Variants in GBE1 observed in about 807,000 individuals in gnomAD.
GBE1 encodes the protein 1,4-alpha-glucan-branching enzyme.
In GBE1, 70 loss-of-function variants were observed where a neutral mutation model predicts 88.8. The observed-to-expected ratio is 0.79, with a 90% CI of 0.65 to 0.96. The LOEUF (loss-of-function observed/expected upper bound fraction) is 0.96, where lower values mean the gene tolerates loss of function less well. GBE1 is among the 40% of genes least tolerant of loss of function. The pLI, the probability that GBE1 is intolerant of heterozygous loss-of-function variation, is 0.00. For synonymous variants in GBE1, 284 were observed against 300.1 expected (o/e 0.95, Z 0.56); for missense variants, 872 against 871.0 (o/e 1.00, Z -0.01).
chr3:81,616,121 A>G (rs1229738185), intron 7 of GBE1, among the ~76,000 whole-genome samples: 2 of 152,050 alleles, frequency 1.3e-5, no homozygotes, highest in Non-Finnish European at 2.9e-5. Context: ...TGTATTGTGG[A>G]TTTGAGACCT....
chr3:81,740,754 G>C (rs1706337540), intron 1 of GBE1, among the ~76,000 whole-genome samples: 1 of 136,794 alleles, frequency 7.3e-6, no homozygotes, highest in Non-Finnish European at 1.5e-5. Context: ...CTGCCTAAGA[G>C]TGTTAGAAAG....
chr3:81,685,680 C>T (rs1017164161), intron 2 of GBE1, among the ~76,000 whole-genome samples: 1 of 152,160 alleles, frequency 6.6e-6, no homozygotes, highest in African/African-American at 2.4e-5. Context: ...TTGCGCTCAG[C>T]GATTCCAATC....
intron 12 of GBE1, among the ~76,000 whole-genome samples, chr3:81,573,225 T>G (rs1703598384): frequency 6.6e-6 from 1 of 152,204 alleles, no homozygotes; most frequent in South Asian, 2.1e-4. Flanking sequence ...GGCATGTAAA[T>G]TGTTTTCTTT....
chr3:81,537,629 T>C (rs779540297), intron 12 of GBE1, among the ~76,000 whole-genome samples: 2 of 152,052 alleles, frequency 1.3e-5, no homozygotes, highest in Non-Finnish European at 2.9e-5. Flanking sequence ...TAAAATTGAG[T>C]TCCTCTCATT....
chr3:81,565,756 GATA>G (rs754639394), intron 12 of GBE1, among the ~76,000 whole-genome samples: 1 of 152,044 alleles, frequency 6.6e-6, no homozygotes, highest in Middle Eastern at 3.2e-3. Context: ...ATAACATCAT[GATA>G]ATAAGAGTGC....
At chr3:81,736,168 C>G (rs1706255294) in intron 1 of GBE1, among the ~76,000 whole-genome samples, 1 of 152,152 alleles carries the variant, frequency 6.6e-6, no homozygotes, top group South Asian at 2.1e-4. Context: ...AGACATTTCT[C>G]AATTCTTAAT....
At chr3:81,563,445 A>C (rs932405407) in intron 12 of GBE1, among the ~76,000 whole-genome samples, 1 of 152,178 alleles carries the variant, frequency 6.6e-6, no homozygotes, top group Non-Finnish European at 1.5e-5. Flanking sequence ...GTCCAACAAT[A>C]AAGTGAGGCT....
chr3:81,643,120 T>C, intron 6 of GBE1, 130 bp from the exon 7 acceptor site: 2 of 647,030 alleles, frequency 3.1e-6, no homozygotes, highest in Non-Finnish European at 5.4e-6. Flanking sequence ...ACATGATACC[T>C]GGATACAACT....
intron 2 of GBE1, among the ~76,000 whole-genome samples, chr3:81,685,590 C>A (rs1179015070): frequency 1.3e-5 from 2 of 152,098 alleles, no homozygotes; most frequent in Non-Finnish European, 1.5e-5. Context: ...CCACGTTGGC[C>A]AGGCTAGTCT....
At chr3:81,698,931 C>T (rs933500144) in intron 2 of GBE1, among the ~76,000 whole-genome samples, 1 of 152,172 alleles carries the variant, frequency 6.6e-6, no homozygotes, top group Non-Finnish European at 1.5e-5. Context: ...GCAACGAAAT[C>T]AGGTTGGAAA....
At position 81,655,894 on chromosome 3, in the gene GBE1, G is replaced by A. The variant is rs371424476; in HGVS notation, c.430-5973C>T. 2.2e-4 allele frequency among the ~76,000 whole-genome samples: 33 copies of A among 152,166 alleles called. No individual in the cohort carries two copies. The East Asian group carries it at 3.3e-3, about 15-fold the overall frequency. ...AAATGCATAGATAGAATTTATAATCGCTAAAACTTTAAAATAACTTAATAC... is the reference window on the plus strand; with the variant it reads ...AAATGCATAGATAGAATTTATAATCACTAAAACTTTAAAATAACTTAATAC... On this transcript the variant is annotated intron_variant, in intron 3 of 15. Coordinates refer to ENST00000429644, the MANE Select transcript of GBE1 (RefSeq NM_000158.4).
chr3:81,751,668 A>C (rs1706529966), intron 1 of GBE1, among the ~76,000 whole-genome samples: 1 of 152,256 alleles, frequency 6.6e-6, no homozygotes, highest in African/African-American at 2.4e-5. Flanking sequence ...GGATGTATTT[A>C]AGCTAAAGCC....
In GBE1 at chr3:81,591,067, C is replaced by A. The variant is rs764245033; in HGVS notation, c.1206G>T (p.Thr402=). 5.6e-6 allele frequency: 9 copies of A among 1,609,420 alleles called. No individual in the cohort carries two copies. Among genetic ancestry groups the A allele is most frequent in the South Asian group, 1.1e-5 (1 of 90,234 alleles). ...YLMLANHLVH[T]LCPDSITIAE... is the part of the protein sequence containing the mutation. ...CTATTGTTATAGAATCGGGACACAGCGTGTGAACCAAATGATTTGCCAACA... is the reference window on the plus strand; with the variant it reads ...CTATTGTTATAGAATCGGGACACAGAGTGTGAACCAAATGATTTGCCAACA... Residue 402 remains threonine (T), a synonymous_variant, in exon 9 of 16, where the codon ACG becomes ACT. Coordinates refer to ENST00000429644, the MANE Select transcript of GBE1 (RefSeq NM_000158.4).
intron 7 of GBE1, among the ~76,000 whole-genome samples, chr3:81,633,951 T>A (rs929410358): frequency 6.6e-6 from 1 of 152,168 alleles, no homozygotes; most frequent in African/African-American, 2.4e-5. Flanking sequence ...CATTTTAACA[T>A]AGGGAGGTTT....
intron 7 of GBE1, among the ~76,000 whole-genome samples, chr3:81,631,736 ACT>A (rs1388788799): frequency 2.8e-5 from 4 of 144,844 alleles, no homozygotes; most frequent in Non-Finnish European, 6.0e-5. Flanking sequence ...ACAGAGCAAG[ACT>A]CTGTCTCAAA....
At chr3:81,702,764 G>C (rs1358718933) in intron 2 of GBE1, among the ~76,000 whole-genome samples, 1 of 152,028 alleles carries the variant, frequency 6.6e-6, no homozygotes, top group Non-Finnish European at 1.5e-5. Flanking sequence ...ATATGGGCCA[G>C]GTAATTTTAG....
chr3:81,537,981 G>A (rs925036348), intron 12 of GBE1, among the ~76,000 whole-genome samples: 4 of 151,808 alleles, frequency 2.6e-5, no homozygotes, highest in Non-Finnish European at 4.4e-5. Context: ...TCATCTAACC[G>A]ATTGGTTTTT....
chr3:81,509,637 C>T (rs1702699567), intron 14 of GBE1: 1 of 151,670 alleles, frequency 6.6e-6, no homozygotes, highest in African/African-American at 2.4e-5. Context: ...AGTGTCTTTT[C>T]ATTATTTTCC....
chr3:81,612,795 G>A, intron 7 of GBE1: 1 of 432,734 alleles, frequency 2.3e-6, no homozygotes, highest in East Asian at 5.6e-5. Context: ...AGGTGGTCCA[G>A]AGAGCTTCTT....
Sources: allele counts gnomAD v4.1 joint callset (sites outside exome capture counted in the v4.1 genomes callset), GRCh38; gene constraint gnomAD v4.1.1; transcripts MANE v1.5; gene names NCBI Gene and HGNC (gene_info 2026-07-23, HGNC 2026-07-21).